AGPAT4: variants seen among roughly 807,000 people sequenced by gnomAD.
AGPAT4 encodes the protein 1-acylglycerol-3-phosphate O-acyltransferase 4, also known as 1-acyl-sn-glycerol-3-phosphate acyltransferase delta.
In AGPAT4, 15 loss-of-function variants were observed where a neutral mutation model predicts 48.0. That is an observed-to-expected ratio of 0.31 (90% confidence interval 0.21 to 0.48). AGPAT4 has a LOEUF of 0.48. Ranked by LOEUF, AGPAT4 falls within the 20% of genes least tolerant of loss-of-function variation. The probability of loss-of-function intolerance (pLI) is 0.99; values close to 1 mark genes in which losing one functional copy is unlikely to be tolerated. For synonymous variants in AGPAT4, 178 were observed against 198.7 expected (o/e 0.90, Z 0.88); for missense variants, 314 against 482.5 (o/e 0.65, Z 3.27).
chr6:161,203,930 A>G (rs907734776), intron 2 of AGPAT4, among the ~76,000 whole-genome samples: 2 of 152,200 alleles, frequency 1.3e-5, no homozygotes, highest in African/African-American at 4.8e-5. Flanking sequence ...AAAGCATTCA[A>G]TCAGGGACTC....
intron 1 of AGPAT4, among the ~76,000 whole-genome samples, chr6:161,269,835 G>A (rs1199933578): frequency 6.6e-6 from 1 of 152,230 alleles, no homozygotes; most frequent in Non-Finnish European, 1.5e-5. Flanking sequence ...ATAGAGGACA[G>A]ATGGATGTAT....
chr6:161,136,633 G>A lies in AGPAT4; in HGVS notation c.1044C>T (p.Ala348=), dbSNP rs1382184659. 1.2e-6 allele frequency: 2 copies of A among 1,613,946 alleles called. No homozygotes were observed. The highest frequency in any genetic ancestry group is 2.2e-5 in the East Asian group (1 of 44,872). The change falls in exon 9 of 9, where the codon GCC becomes GCT. Residue 348 remains alanine, a splice_region_variant and synonymous_variant. Transcript: ENST00000320285. ...CAATCATCCATCGAACTCCCACGGA[G>A]GCTGCAGAGACAAGGAGAGCAGAGT... ...LASFILVFFV[A]SVGVRWMIGV... is the part of the protein sequence containing the mutation.
Position 161,232,941 on chromosome 6 carries a change from C to T in AGPAT4, c.-89-639G>A, listed in dbSNP as rs1234588565. Among the ~76,000 whole-genome samples, 1 of 152,148 alleles carries T rather than the reference C, an allele frequency of 6.6e-6. No homozygotes were observed. The highest frequency in any genetic ancestry group is 1.5e-5 in the Non-Finnish European group (1 of 68,040). On this transcript the variant is annotated intron_variant, in intron 1 of 8. Transcript: ENST00000320285. The surrounding 1 kb of genome is among the most constrained non-coding windows in gnomAD (Gnocchi z 6.8). ...CAGCACATGAGAGCCATCACTGGCA[C>T]AGGGTGGGAACTTAATTTTAAAAAA...
chr6:161,141,786 T>C lies in AGPAT4; in HGVS notation c.844-2166A>G, dbSNP rs16892207. Among the ~76,000 whole-genome samples, 1,012 of 152,298 alleles carry C rather than the reference T, an allele frequency of 6.6e-3. 12 individuals are homozygous for C. Among genetic ancestry groups the C allele is most frequent in the African/African-American group, 0.023 (965 of 41,556 alleles). The stretch of plus-strand genomic sequence containing the variant: ...CAGAAAGACATTTGCTAGGCCAAGA[T>C]TGTTTTATTTGCACCTCTAGCAAGA... On this transcript the variant is annotated intron_variant, in intron 7 of 8. Transcript: ENST00000320285. This position sits in a 1 kb window ranked among gnomAD's most constrained non-coding sequence, Gnocchi z 6.7.
At chr6:161,224,045 G>T (rs918880120) in intron 2 of AGPAT4, among the ~76,000 whole-genome samples, 4 of 152,264 alleles carry the variant, frequency 2.6e-5, no homozygotes, top group East Asian at 3.9e-4. Context: ...TGTAAATTCA[G>T]ATACTTAAAT....
In AGPAT4 at chr6:161,260,136, G is replaced by A. The variant is rs140998619; in HGVS notation, c.-90+13802C>T. Among the ~76,000 whole-genome samples, 3 of 152,190 alleles carry A rather than the reference G, an allele frequency of 2.0e-5. No individual in the cohort carries two copies. In the East Asian group the frequency reaches 5.8e-4, roughly 29 times the overall value. ...GGCTTCAGTGAACTGCTAGGAAGAC[G>A]GAGGGGCCATTACTCCCACCGCACA... On this transcript the variant is annotated intron_variant, in intron 1 of 8. Transcript: ENST00000320285.
Position 161,231,866 on chromosome 6 carries a change from A to T in AGPAT4, c.178+170T>A, listed in dbSNP as rs1307646812. Among the ~76,000 whole-genome samples, 7 of 152,238 alleles carry T rather than the reference A, an allele frequency of 4.6e-5. No individual in the cohort carries two copies. The highest frequency in any genetic ancestry group is 1.7e-4 in the African/African-American group (7 of 41,462). On this transcript the variant is annotated intron_variant, in intron 2 of 8. Coordinates refer to ENST00000320285, the MANE Select transcript of AGPAT4 (RefSeq NM_020133.3). The surrounding 1 kb of genome is among the most constrained non-coding windows in gnomAD (Gnocchi z 5.3). The stretch of plus-strand genomic sequence containing the variant: ...AGCTACTGGCATTATTCATTCAAAA[A>T]ATAATTTTGGGGGATTGAGAACAAA...
chr6:161,148,261 C>T lies in AGPAT4; in HGVS notation c.767+926G>A, dbSNP rs893771483. On this transcript the variant is annotated intron_variant, in intron 6 of 8. Transcript: ENST00000320285. This position sits in a 1 kb window ranked among gnomAD's most constrained non-coding sequence, Gnocchi z 5.5. ...GTCACAGGGCAGACTGTTGCCTGCACCATCAGACAAGAAGTCAGTGATGAT... is the reference window on the plus strand; with the variant it reads ...GTCACAGGGCAGACTGTTGCCTGCATCATCAGACAAGAAGTCAGTGATGAT... 2.6e-5 allele frequency among the ~76,000 whole-genome samples: 4 copies of T among 152,194 alleles called. No individual in the cohort carries two copies. The highest frequency in any genetic ancestry group is 4.4e-5 in the Non-Finnish European group (3 of 68,036).
At chr6:161,203,581 G>A (rs1052857552) in intron 2 of AGPAT4, among the ~76,000 whole-genome samples, 4 of 151,754 alleles carry the variant, frequency 2.6e-5, no homozygotes, top group Non-Finnish European at 5.9e-5. Context: ...ATTTTTAGTA[G>A]AGACGGGGGT....
chr6:161,164,916 T>G lies in AGPAT4; in HGVS notation c.348+1332A>C, dbSNP rs574789899. Among the ~76,000 whole-genome samples the G allele has an allele frequency of 1.2e-4, 18 of 152,118 alleles. No homozygotes were observed. Among genetic ancestry groups the G allele is most frequent in the Non-Finnish European group, 2.5e-4 (17 of 68,030 alleles). ...TCACCAGCTGCCTCTAAACTACAGTTTGAATTCCAGGAGACGCTGGCACCT... is the reference window on the plus strand; with the variant it reads ...TCACCAGCTGCCTCTAAACTACAGTGTGAATTCCAGGAGACGCTGGCACCT... On this transcript the variant is annotated intron_variant, in intron 3 of 8. Coordinates refer to ENST00000320285, the MANE Select transcript of AGPAT4 (RefSeq NM_020133.3). The surrounding 1 kb of genome is among the most constrained non-coding windows in gnomAD (Gnocchi z 7.4).
intron 2 of AGPAT4, among the ~76,000 whole-genome samples, chr6:161,207,995 G>C (rs989837836): frequency 6.6e-6 from 1 of 152,006 alleles, no homozygotes; most frequent in Admixed American, 6.6e-5. Context: ...CCTTTATCTT[G>C]GATATTCTTA....
intron 2 of AGPAT4, among the ~76,000 whole-genome samples, chr6:161,172,887 T>C (rs1470790425): frequency 6.6e-6 from 1 of 150,424 alleles, no homozygotes; most frequent in Non-Finnish European, 1.5e-5. Context: ...AGTGAGAACA[T>C]GCAGTGTTTG....
At chr6:161,224,108 G>T (rs1781905212) in intron 2 of AGPAT4, among the ~76,000 whole-genome samples, 1 of 152,114 alleles carries the variant, frequency 6.6e-6, no homozygotes, top group Non-Finnish European at 1.5e-5. Flanking sequence ...GCAATTTCTG[G>T]ATTGCTTCTG....
In AGPAT4 at chr6:161,147,174, C is replaced by T. The variant is rs1290619157; in HGVS notation, c.768-575G>A. 6.6e-6 allele frequency among the ~76,000 whole-genome samples: 1 copy of T among 152,150 alleles called. No individual in the cohort carries two copies. Among genetic ancestry groups the T allele is most frequent in the Non-Finnish European group, 1.5e-5 (1 of 68,026 alleles). On this transcript the variant is annotated intron_variant, in intron 6 of 8. Transcript: ENST00000320285. The surrounding 1 kb of genome is among the most constrained non-coding windows in gnomAD (Gnocchi z 4.8). ...TTAAAGTTCTCCCAGATGGAAGTAG[C>T]CAGGGCATCTTCCCCAGGCTCCATG...
intron 2 of AGPAT4, among the ~76,000 whole-genome samples, chr6:161,179,739 CTTATGAATAGTACATACAT>C (rs1476345013): frequency 4.6e-5 from 7 of 152,174 alleles, no homozygotes; most frequent in African/African-American, 1.2e-4. Context: ...TCCACTTCCA[CTTATGAATAGTACATACAT>C]TTTCTCTTTT....
rs1384127878 is a variant in AGPAT4 at position 161,236,890 on chromosome 6, A to G, written c.-89-4588T>C. 1.3e-5 allele frequency among the ~76,000 whole-genome samples: 2 copies of G among 152,166 alleles called. No individual in the cohort carries two copies. Among genetic ancestry groups the G allele is most frequent in the African/African-American group, 2.4e-5 (1 of 41,440 alleles). On this transcript the variant is annotated intron_variant, in intron 1 of 8. Transcript: ENST00000320285. The surrounding 1 kb of genome is among the most constrained non-coding windows in gnomAD (Gnocchi z 5.0). ...GCACTCCAGCCTGGGCGACAGAGTG[A>G]GACTCCATCTCAAACAAAATAAATA...
rs1281515415 is a variant in AGPAT4, at chr6:161,259,033, A to G, written c.-90+14905T>C. On this transcript the variant is annotated intron_variant, in intron 1 of 8. Coordinates refer to ENST00000320285, the MANE Select transcript of AGPAT4 (RefSeq NM_020133.3). This position sits in a 1 kb window ranked among gnomAD's most constrained non-coding sequence, Gnocchi z 4.9. Reference sequence around the variant, plus strand: ...GGCTGGTATCAAACTCCTGACCTCAAGTGATCCTCCCGCCTCAGCCTCCCA... The same window carrying G: ...GGCTGGTATCAAACTCCTGACCTCAGGTGATCCTCCCGCCTCAGCCTCCCA... Among the ~76,000 whole-genome samples, 1 of 152,056 alleles carries G rather than the reference A, an allele frequency of 6.6e-6. No homozygotes were observed. The highest frequency in any genetic ancestry group is 1.5e-5 in the Non-Finnish European group (1 of 67,998).
chr6:161,187,751 C>T (rs995861670), intron 2 of AGPAT4, among the ~76,000 whole-genome samples: 1 of 152,086 alleles, frequency 6.6e-6, no homozygotes, highest in Non-Finnish European at 1.5e-5. Flanking sequence ...ACCATGTTGG[C>T]CAGCCTGGTC....
In AGPAT4 at chr6:161,245,491, G is replaced by A. The variant is rs529135285; in HGVS notation, c.-89-13189C>T. On this transcript the variant is annotated intron_variant, in intron 1 of 8. Transcript: ENST00000320285. The surrounding 1 kb of genome is among the most constrained non-coding windows in gnomAD (Gnocchi z 5.2). ...TGGCATTAAGCACCCTAGAGGGATC[G>A]CCAGGAGTAGAGCTCAGAGGAAGCA... 1.1e-3 allele frequency among the ~76,000 whole-genome samples: 172 copies of A among 152,314 alleles called. No individual in the cohort carries two copies. Among genetic ancestry groups the A allele is most frequent in the Middle Eastern group, 6.8e-3 (2 of 294 alleles).
Sources: allele counts gnomAD v4.1 joint callset (sites outside exome capture counted in the v4.1 genomes callset), GRCh38; gene constraint gnomAD v4.1.1; non-coding constraint Gnocchi (gnomAD v3.1); transcripts MANE v1.5; gene names NCBI Gene and HGNC (gene_info 2026-07-23, HGNC 2026-07-21).